The following MYRIP variants were observed in gnomAD, a reference collection of about 807,000 sequenced individuals.
The protein encoded by MYRIP is myosin VIIA and Rab interacting protein, also known as rab effector MyRIP.
A neutral mutation model predicts 98.0 loss-of-function variants in MYRIP; 49 were observed. The ratio of observed to expected loss-of-function variants is 0.50; its 90% CI spans 0.40 to 0.63. The LOEUF is 0.63. Ranked by LOEUF, MYRIP falls within the 30% of genes least tolerant of loss-of-function variation. The pLI is 0.00. For synonymous variants in MYRIP, 404 were observed against 409.5 expected (o/e 0.99, Z 0.16); for missense variants, 1,004 against 1,058.2 (o/e 0.95, Z 0.71).
chr3:40,206,711 GTCACTC>G (rs1378570725), intron 10 of MYRIP, among the ~76,000 whole-genome samples: 1 of 152,180 alleles, frequency 6.6e-6, no homozygotes, highest in African/African-American at 2.4e-5. Flanking sequence ...CAGGAACAGT[GTCACTC>G]TCACCTTTGA....
intron 1 of MYRIP, among the ~76,000 whole-genome samples, chr3:39,844,505 A>G (rs1001560481): frequency 5.3e-5 from 8 of 152,246 alleles, no homozygotes; most frequent in African/African-American, 1.9e-4. Flanking sequence ...AGCAACAGGC[A>G]TAGGTGGCAT....
At chr3:39,923,832 A>T (rs1246583616) in intron 2 of MYRIP, among the ~76,000 whole-genome samples, 1 of 152,156 alleles carries the variant, frequency 6.6e-6, no homozygotes, top group Admixed American at 6.5e-5. Context: ...AGAATAAATA[A>T]GACAATTATA....
intron 2 of MYRIP, among the ~76,000 whole-genome samples, chr3:39,958,893 A>G (rs1220662734): frequency 6.6e-6 from 1 of 152,198 alleles, no homozygotes; most frequent in Non-Finnish European, 1.5e-5. Context: ...TCTCAACAGA[A>G]GATATTTATG....
chr3:39,944,303 A>T (rs115711099), intron 2 of MYRIP, among the ~76,000 whole-genome samples: 1 of 152,320 alleles, frequency 6.6e-6, no homozygotes, highest in Non-Finnish European at 1.5e-5. Context: ...TAAAATATAC[A>T]CCAATACAAT....
At chr3:39,952,392 G>A (rs1282770583) in intron 2 of MYRIP, among the ~76,000 whole-genome samples, 4 of 152,144 alleles carry the variant, frequency 2.6e-5, no homozygotes, top group Non-Finnish European at 5.9e-5. Flanking sequence ...ATGAAGGCAT[G>A]TAGGATTTTG....
At chr3:39,861,168 C>G (rs932972054) in intron 1 of MYRIP, among the ~76,000 whole-genome samples, 1 of 152,198 alleles carries the variant, frequency 6.6e-6, no homozygotes, top group Non-Finnish European at 1.5e-5. Context: ...GGCTAGGGAG[C>G]AAAGCCATGG....
At chr3:39,833,989 A>T (rs563932295) in intron 1 of MYRIP, among the ~76,000 whole-genome samples, 2 of 152,216 alleles carry the variant, frequency 1.3e-5, no homozygotes, top group Non-Finnish European at 2.9e-5. Context: ...AGATTGCACC[A>T]TTGCATTCCA....
chr3:39,901,864 C>T (rs1943750639), intron 2 of MYRIP, among the ~76,000 whole-genome samples: 1 of 151,974 alleles, frequency 6.6e-6, no homozygotes, highest in Non-Finnish European at 1.5e-5. Context: ...AAAGATTACA[C>T]TAAGGTGCTT....
intron 1 of MYRIP, among the ~76,000 whole-genome samples, chr3:39,875,130 A>C (rs1942946290): frequency 6.6e-6 from 1 of 151,928 alleles, no homozygotes; most frequent in African/African-American, 2.4e-5. Flanking sequence ...TATTTGTGTA[A>C]AGGTGTTTGT....
chr3:39,888,352 C>T (rs964012051), intron 1 of MYRIP, among the ~76,000 whole-genome samples: 5 of 150,610 alleles, frequency 3.3e-5, no homozygotes, highest in African/African-American at 9.8e-5. Flanking sequence ...TGGAACAGAA[C>T]AGAGCCCTCA....
chr3:39,842,318 C>T (rs1941828112), intron 1 of MYRIP, among the ~76,000 whole-genome samples: 2 of 152,174 alleles, frequency 1.3e-5, no homozygotes, highest in Admixed American at 6.5e-5. Context: ...CCTGACCAGG[C>T]TCCAGTGTCC....
At chr3:40,171,166 T>C (rs992056479) in intron 8 of MYRIP, among the ~76,000 whole-genome samples, 1 of 151,810 alleles carries the variant, frequency 6.6e-6, no homozygotes, top group South Asian at 2.1e-4. Flanking sequence ...ACCAAACAAG[T>C]AGAAGACGCC....
At chr3:39,935,699 G>A (rs1237697382) in intron 2 of MYRIP, among the ~76,000 whole-genome samples, 1 of 152,160 alleles carries the variant, frequency 6.6e-6, no homozygotes, top group East Asian at 1.9e-4. Context: ...TCAATGCAGA[G>A]ATGTTACTGG....
chr3:39,870,595 C>T (rs938821065), intron 1 of MYRIP, among the ~76,000 whole-genome samples: 1 of 151,994 alleles, frequency 6.6e-6, no homozygotes, highest in Non-Finnish European at 1.5e-5. Flanking sequence ...TTTCACTTAG[C>T]ATTCATGTTT....
intron 15 of MYRIP, 66 bp from the exon 16 acceptor site, chr3:40,251,815 T>C (rs1234231023): frequency 2.6e-6 from 3 of 1,147,472 alleles, no homozygotes; most frequent in African/African-American, 1.5e-5. Context: ...GGCCACCTTG[T>C]TTTTTCCTTA....
intron 2 of MYRIP, among the ~76,000 whole-genome samples, chr3:39,985,403 A>G (rs879464463): frequency 2.4e-3 from 274 of 113,462 alleles, no homozygotes; most frequent in Non-Finnish European, 3.4e-3. Flanking sequence ...TACAGATTCA[A>G]TGCCATCCCC....
At chr3:39,913,907 C>G (rs1216095104) in intron 2 of MYRIP, among the ~76,000 whole-genome samples, 2 of 152,170 alleles carry the variant, frequency 1.3e-5, no homozygotes, top group Non-Finnish European at 2.9e-5. Flanking sequence ...GAATTCACAC[C>G]ACACTCAACA....
intron 1 of MYRIP, among the ~76,000 whole-genome samples, chr3:39,873,692 A>G (rs369324758): frequency 6.6e-6 from 1 of 151,112 alleles, no homozygotes; most frequent in African/African-American, 2.4e-5. Flanking sequence ...TGTTCCATTG[A>G]TCTATATCTC....
intron 3 of MYRIP, among the ~76,000 whole-genome samples, chr3:40,138,730 T>G (rs2125558665): frequency 6.6e-6 from 1 of 152,326 alleles, no homozygotes; most frequent in Admixed American, 6.5e-5. Context: ...TTTTGATACA[T>G]ATCACATGCA....
Sources: gnomAD v4.1 joint callset for allele counts (sites outside exome capture counted in the v4.1 genomes callset) on GRCh38, gnomAD v4.1.1 for gene constraint, MANE v1.5 for transcripts, NCBI Gene and HGNC (gene_info 2026-07-23, HGNC 2026-07-21) for gene names.